Variants in SRFBP1 observed in about 807,000 individuals in gnomAD.
SRFBP1 encodes the protein serum response factor binding protein 1.
SRFBP1 carries 47 observed loss-of-function variants against 45.5 expected under a neutral mutation model. The ratio of observed to expected loss-of-function variants is 1.03; its 90% CI spans 0.82 to 1.32. The LOEUF (loss-of-function observed/expected upper bound fraction) is 1.32. Among genes scored for constraint, SRFBP1 ranks in the 40% most tolerant of loss-of-function variants. The probability of loss-of-function intolerance (pLI) is 0.00; values close to 1 mark genes in which losing one functional copy is unlikely to be tolerated. For missense variants in SRFBP1, 621 were observed against 484.6 expected (o/e 1.28, Z -2.64); for synonymous variants, 203 against 166.3 (o/e 1.22, Z -1.70).
chr5:122,038,572 A>G lies in SRFBP1; in HGVS notation n.311+16165A>G, dbSNP rs181421109. Among the ~76,000 whole-genome samples, 17 of 152,336 alleles carry G rather than the reference A, an allele frequency of 1.1e-4. No homozygotes were observed. In the East Asian group the frequency reaches 3.1e-3, roughly 28 times the overall value. ...TGCTTCCAGTCCCAAGTGATAAGAG[A>G]TTGTGTACAAAGATCCACTGAGACT... On this transcript the variant is annotated intron_variant and non_coding_transcript_variant, in intron 2 of 2. Transcript: ENST00000504881.
chr5:121,998,423 C>T (rs1200879024), intron 4 of SRFBP1, among the ~76,000 whole-genome samples: 9 of 142,238 alleles, frequency 6.3e-5, no homozygotes, highest in Non-Finnish European at 1.4e-4. Context: ...GAACAAAAAA[C>T]CAAACACCGC....
chr5:122,019,401 G>T, intron 5 of SRFBP1, 60 bp downstream of exon 5: 1 of 1,289,028 alleles, frequency 7.8e-7, no homozygotes, highest in Non-Finnish European at 1.1e-6. Context: ...TTGGATAATG[G>T]CTATTCACTT....
chr5:122,047,704 G>A (rs1317223583), intron 2 of SRFBP1, among the ~76,000 whole-genome samples: 1 of 152,014 alleles, frequency 6.6e-6, no homozygotes, highest in East Asian at 1.9e-4. Context: ...CCATTTGTTT[G>A]TATCCTCTTT....
chr5:122,019,282 G>A lies in SRFBP1; in HGVS notation c.293G>A (p.Arg98Lys). ...FKKPDSTATE[R>K]AIARLAVHPL... ...CAGCCAGATTCTACTGCAACTGAAA[G>A]AGCAATTGCCAGACTAGCAGTACAT... is the stretch of plus-strand genomic sequence containing the variant. The change falls in exon 5 of 8, where the codon AGA becomes AAA. Residue 98 changes from arginine (R) to lysine (K), a missense_variant. By Grantham distance (26) the Arg-to-Lys change is conservative (BLOSUM62 2). Coordinates refer to ENST00000339397, the MANE Select transcript of SRFBP1 (RefSeq NM_152546.3). The A allele has an allele frequency of 6.2e-7, 1 of 1,612,324 alleles. No homozygotes were observed. Among genetic ancestry groups the A allele is most frequent in the East Asian group, 2.2e-5 (1 of 44,654 alleles).
chr5:122,038,511 C>G (rs115786202), intron 2 of SRFBP1, among the ~76,000 whole-genome samples: 1,605 of 152,156 alleles, frequency 0.011, 28 homozygotes, highest in African/African-American at 0.036. Flanking sequence ...AGTTTGCAAG[C>G]AAAACAAAAA....
At chr5:122,000,082 T>C (rs879348245) in intron 4 of SRFBP1, among the ~76,000 whole-genome samples, 1 of 152,090 alleles carries the variant, frequency 6.6e-6, no homozygotes, top group South Asian at 2.1e-4. Context: ...ATTCATTACA[T>C]GTACATATTT....
downstream of SRFBP1, among the ~76,000 whole-genome samples, chr5:122,029,869 C>A (rs184077260): frequency 1.0e-3 from 156 of 152,268 alleles, no homozygotes; most frequent in Non-Finnish European, 1.7e-3. Flanking sequence ...TGCTCAAATT[C>A]TACTTAATTT....
At chr5:121,973,808 AT>A (rs1167577309) in intron 1 of SRFBP1, among the ~76,000 whole-genome samples, 1 of 151,914 alleles carries the variant, frequency 6.6e-6, no homozygotes, top group Non-Finnish European at 1.5e-5. Flanking sequence ...AACAAATTAA[AT>A]TCCTACCATT....
downstream of SRFBP1, chr5:122,077,931 C>A: frequency 6.6e-7 from 1 of 1,506,324 alleles, no homozygotes; most frequent in Non-Finnish European, 8.8e-7. This position sits in a 1 kb window ranked among gnomAD's most constrained non-coding sequence, Gnocchi z 4.9. Flanking sequence ...GCGCAGTGCA[C>A]TAGCGCGCAG....
intron 2 of SRFBP1, among the ~76,000 whole-genome samples, chr5:122,046,089 C>T (rs547828165): frequency 2.0e-5 from 3 of 152,054 alleles, no homozygotes; most frequent in South Asian, 4.2e-4. Context: ...GGTACATGTG[C>T]ACAACATGCA....
intron 2 of SRFBP1, among the ~76,000 whole-genome samples, chr5:122,068,538 T>A (rs180872550): frequency 9.2e-5 from 14 of 152,248 alleles, no homozygotes; most frequent in African/African-American, 3.4e-4. Flanking sequence ...TTACTCAAAT[T>A]ATTTGAGAAA....
intron 1 of SRFBP1, among the ~76,000 whole-genome samples, chr5:121,964,369 G>A (rs1752017086): frequency 6.6e-6 from 1 of 151,962 alleles, no homozygotes; most frequent in African/African-American, 2.4e-5. Context: ...ACAGGCCTTG[G>A]TGTGTGATGT....
At chr5:122,019,195 A>G in intron 4 of SRFBP1, 65 bp from the exon 5 acceptor site, 2 of 1,322,286 alleles carry the variant, frequency 1.5e-6, no homozygotes, top group South Asian at 1.2e-5. Context: ...ATTTTATTTT[A>G]TTCACTTTCA....
chr5:122,045,218 C>G (rs893920268), intron 2 of SRFBP1, among the ~76,000 whole-genome samples: 1 of 152,118 alleles, frequency 6.6e-6, no homozygotes, highest in Admixed American at 6.5e-5. Context: ...GTCTATGTGT[C>G]TGTTTTTGTA....
intron 4 of SRFBP1, 93 bp from the exon 5 acceptor site, chr5:122,019,167 T>A: frequency 9.3e-7 from 1 of 1,074,560 alleles, no homozygotes; most frequent in Non-Finnish European, 1.4e-6. Context: ...CCAACTCTAA[T>A]TTTAAAGACT....
intron 2 of SRFBP1, chr5:122,066,646 T>C (rs1475816141): frequency 9.9e-7 from 1 of 1,007,304 alleles, no homozygotes. Flanking sequence ...TTCTGTTCTC[T>C]TTTTCAAAAT....
At chr5:122,063,755 C>G (rs2152582944) in intron 2 of SRFBP1, 1 of 151,974 alleles carries the variant, frequency 6.6e-6, no homozygotes, top group South Asian at 2.1e-4. Flanking sequence ...TATTTTCATG[C>G]AATCTGCTAA....
intron 4 of SRFBP1, among the ~76,000 whole-genome samples, chr5:122,015,371 T>A (rs1459045915): frequency 6.6e-6 from 1 of 152,228 alleles, no homozygotes; most frequent in African/African-American, 2.4e-5. Flanking sequence ...ATTTTTATTT[T>A]AAATTTTTAA....
intron 3 of SRFBP1, among the ~76,000 whole-genome samples, chr5:121,991,655 AT>A: frequency 6.6e-6 from 1 of 152,144 alleles, no homozygotes; most frequent in East Asian, 1.9e-4. Flanking sequence ...ATAATATATC[AT>A]TTATTGCAGT....
Sources: gnomAD v4.1 joint callset for allele counts (sites outside exome capture counted in the v4.1 genomes callset) on GRCh38, gnomAD v4.1.1 for gene constraint, Gnocchi (gnomAD v3.1) non-coding constraint, MANE v1.5 for transcripts, NCBI Gene and HGNC (gene_info 2026-07-23, HGNC 2026-07-21) for gene names.